The following DNMT3B variants were observed in gnomAD, a reference collection of about 807,000 sequenced individuals.
DNMT3B encodes DNA (cytosine-5)-methyltransferase 3B.
DNMT3B carries 37 observed loss-of-function variants against 120.2 expected under a neutral mutation model. The observed-to-expected ratio is 0.31, with a 90% CI of 0.24 to 0.40. The LOEUF (loss-of-function observed/expected upper bound fraction) is 0.40. Ranked by LOEUF, DNMT3B falls within the 10% of genes least tolerant of loss-of-function variation. The pLI is 1.00. For synonymous variants in DNMT3B, 412 were observed against 442.8 expected, an observed-to-expected ratio of 0.93 and a Z score of 0.87; for missense variants, 878 against 1,137.3, an observed-to-expected ratio of 0.77 and a Z score of 3.28.
chr20:32,770,527 G>A (rs912522952), intron 1 of DNMT3B, among the ~76,000 whole-genome samples: 5 of 151,812 alleles, frequency 3.3e-5, no homozygotes, highest in African/African-American at 9.7e-5. Flanking sequence ...GGCTGGTCTC[G>A]AACTCCCGAC....
chr20:32,779,408 C>G (rs981883080), intron 1 of DNMT3B, among the ~76,000 whole-genome samples: 9 of 152,210 alleles, frequency 5.9e-5, no homozygotes, highest in African/African-American at 2.2e-4. Flanking sequence ...GCTCCCCAGT[C>G]TCCCTAGGGG....
chr20:32,808,998 C>A lies in DNMT3B; in HGVS notation c.*1095C>A. On this transcript the variant is annotated 3_prime_UTR_variant, in exon 23 of 23. Coordinates refer to ENST00000328111, the MANE Select transcript of DNMT3B (RefSeq NM_006892.4). ...GTGCTCCCTTTGGAGATTTTTTAAT[C>A]CTTTTTTATTCCATAAGAAGTCGTT... is the stretch of plus-strand genomic sequence containing the variant. The A allele has an allele frequency of 9.2e-6, 2 of 218,226 alleles. No individual in the cohort carries two copies. 13.5% of individuals were successfully genotyped at this position (218,226 alleles called of 1,614,324 possible).
At chr20:32,799,985 T>C (rs959509364) in intron 16 of DNMT3B, among the ~76,000 whole-genome samples, 168 bp from the exon 17 acceptor site, 2 of 152,256 alleles carry the variant, frequency 1.3e-5, no homozygotes, top group African/African-American at 4.8e-5. Context: ...TCCTCCTATA[T>C]GGAGTTTACA....
At chr20:32,800,732 G>A in intron 17 of DNMT3B, 103 bp from the exon 18 acceptor site, 1 of 1,307,154 alleles carries the variant, frequency 7.7e-7, no homozygotes, top group Non-Finnish European at 1.1e-6. Context: ...TGGGATTACA[G>A]GTGTGAGCCA....
In DNMT3B at chr20:32,798,468, G is replaced by T; in HGVS notation, c.1499G>T (p.Cys500Phe). The T allele has an allele frequency of 6.2e-7, 1 of 1,614,222 alleles. No individual in the cohort carries two copies. Among genetic ancestry groups the T allele is most frequent in the Non-Finnish European group, 8.5e-7 (1 of 1,180,046 alleles). Residue 500 changes from cysteine to phenylalanine, a missense_variant, in exon 15 of 23, where the codon TGT becomes TTT. Physicochemically the swap from Cys to Phe is radical, Grantham distance 205. Around this residue, in one of 4 missense-constraint regions of DNMT3B, gnomAD observed 334 missense variants for 518.8 expected, o/e 0.64. Coordinates refer to ENST00000328111, the MANE Select transcript of DNMT3B (RefSeq NM_006892.4). ...CCTGCCACTGGGTCCAGGTGTTTCT[G>T]TGTGGAGTGCCTGGAGGTGCTGGTG... ...CSNTSCCRCF[C>F]VECLEVLVGT...
In DNMT3B at chr20:32,796,969, C is replaced by T. The variant is rs779860224; in HGVS notation, c.1377+100C>T. On this transcript the variant is annotated intron_variant, in intron 13 of 22. Coordinates refer to ENST00000328111, the MANE Select transcript of DNMT3B (RefSeq NM_006892.4). ...CTGTGTGGAGACTCAGTGAAGCCCACTCATCCCAGCTGCCTTGCACTCTGC... is the reference window on the plus strand; with the variant it reads ...CTGTGTGGAGACTCAGTGAAGCCCATTCATCCCAGCTGCCTTGCACTCTGC... 5.6e-6 allele frequency: 9 copies of T among 1,613,674 alleles called. No homozygotes were observed. In the South Asian group the frequency reaches 8.8e-5, roughly 16 times the overall value.
chr20:32,807,570 C>A, intron 22 of DNMT3B, among the ~76,000 whole-genome samples, 192 bp from the exon 23 acceptor site: 1 of 152,060 alleles, frequency 6.6e-6, no homozygotes, highest in East Asian at 1.9e-4. Flanking sequence ...CTGCACAAAA[C>A]GGGGGACTTT....
At chr20:32,802,786 G>A (rs950866675) in intron 20 of DNMT3B, among the ~76,000 whole-genome samples, 4 of 152,176 alleles carry the variant, frequency 2.6e-5, no homozygotes, top group African/African-American at 9.7e-5. Context: ...GATCGCTTGA[G>A]CCCAGGAGTT....
At chr20:32,801,886 G>C (rs1332916348) in intron 19 of DNMT3B, among the ~76,000 whole-genome samples, 2 of 152,176 alleles carry the variant, frequency 1.3e-5, no homozygotes, top group Admixed American at 6.5e-5. Flanking sequence ...TCCCCTGCCA[G>C]TACAAGGAAA....
At chr20:32,769,588 T>C (rs920862371) in intron 1 of DNMT3B, among the ~76,000 whole-genome samples, 4 of 152,110 alleles carry the variant, frequency 2.6e-5, no homozygotes, top group Non-Finnish European at 4.4e-5. Context: ...TTTTGAAAAG[T>C]GGTTTTTATG....
chr20:32,778,690 G>A (rs1212439003), intron 1 of DNMT3B, among the ~76,000 whole-genome samples: 3 of 152,254 alleles, frequency 2.0e-5, no homozygotes, highest in African/African-American at 7.2e-5. Context: ...CGCAATACAA[G>A]GTGTGGCTTC....
In DNMT3B at chr20:32,762,544, GC is replaced by G. The variant is rs761792161; in HGVS notation, c.-161del. ...GGGCGGCAACGCTGCCCGGCCGGCAGCGCTGGGGTTAAGTGGCCCAAGTAAA... is the reference window on the plus strand; with the variant it reads ...GGGCGGCAACGCTGCCCGGCCGGCAGGCTGGGGTTAAGTGGCCCAAGTAAA... On this transcript the variant is annotated 5_prime_UTR_variant, in exon 1 of 23. Transcript: ENST00000328111. The G allele has an allele frequency of 5.8e-6, 2 of 346,524 alleles. No individual in the cohort carries two copies. The highest frequency in any genetic ancestry group is 5.7e-5 in the Admixed American group (2 of 35,320). The allele number at this position is 346,524 out of a possible 1,614,324, so 21.5% of individuals were successfully genotyped here. A position where few individuals can be genotyped will look rare whatever the true frequency, so the allele number is the denominator to read the frequency against.
At chr20:32,802,505 CA>C in intron 20 of DNMT3B, 35 bp downstream of exon 20, 1 of 1,588,478 alleles carries the variant, frequency 6.3e-7, no homozygotes, top group Non-Finnish European at 8.6e-7. Context: ...AGGTAACAGC[CA>C]AGTTAAATAT....
At chr20:32,789,085 G>C in intron 7 of DNMT3B, 73 bp downstream of exon 7, 1 of 1,594,912 alleles carries the variant, frequency 6.3e-7, no homozygotes. Flanking sequence ...GAAGACAAAG[G>C]CCTGGGATTG....
chr20:32,790,067 A>G (rs893888407), intron 7 of DNMT3B, among the ~76,000 whole-genome samples: 11 of 152,264 alleles, frequency 7.2e-5, no homozygotes, highest in Admixed American at 3.9e-4. Context: ...CCTGGGATTC[A>G]GCTCAAGCAG....
At chr20:32,796,730 C>A in intron 12 of DNMT3B, 60 bp from the exon 13 acceptor site, 1 of 1,576,694 alleles carries the variant, frequency 6.3e-7, no homozygotes, top group Non-Finnish European at 8.7e-7. Context: ...AGACCCCAGG[C>A]TTTAGCAGCT....
At position 32,788,923 on chromosome 20, in the gene DNMT3B, A is replaced by C. The variant is rs199883886; in HGVS notation, c.724A>C (p.Met242Leu). Residue 242 changes from methionine to leucine, a missense_variant, in exon 7 of 23, where the codon ATG becomes CTG. Around this residue, in one of 4 missense-constraint regions of DNMT3B, gnomAD observed 50 missense variants for 89.7 expected, o/e 0.56. Transcript: ENST00000328111. ...CAAGGGCTTCTCCTGGTGGCCCGCC[A>C]TGGTGGTGTCTTGGAAGGCCACCTC... ...KIKGFSWWPA[M>L]VVSWKATSKR... is the part of the protein sequence containing the mutation. 8.1e-6 allele frequency: 13 copies of C among 1,613,392 alleles called. No homozygotes were observed. The highest frequency in any genetic ancestry group is 1.7e-4 in the Middle Eastern group (1 of 6,060).
intron 1 of DNMT3B, among the ~76,000 whole-genome samples, chr20:32,772,658 G>A (rs999271302): frequency 6.6e-6 from 1 of 152,074 alleles, no homozygotes; most frequent in African/African-American, 2.4e-5. Flanking sequence ...GGGGCTGGGT[G>A]TTTGTGATTT....
In DNMT3B at chr20:32,762,475, C is replaced by G. The variant is rs1303399740; in HGVS notation, c.-231C>G. 2.2e-5 allele frequency: 4 copies of G among 180,056 alleles called. No individual in the cohort carries two copies. The East Asian group carries it at 5.3e-4, about 24-fold the overall frequency. 11.2% of individuals were successfully genotyped at this position (180,056 alleles called of 1,614,324 possible). On this transcript the variant is annotated 5_prime_UTR_variant, in exon 1 of 23. Transcript: ENST00000328111. ...CCGCAGCCCGCGTGGACGCTCCGAG[C>G]GCCCCCCGACGGACGGGACCGGCTC...
Sources: allele counts gnomAD v4.1 joint callset (sites outside exome capture counted in the v4.1 genomes callset), GRCh38; gene constraint gnomAD v4.1.1; regional missense constraint gnomAD v4.1.1; transcripts MANE v1.5; gene names NCBI Gene and HGNC (gene_info 2026-07-23, HGNC 2026-07-21).